The following CASD1 variants were observed in gnomAD, a reference collection of about 807,000 sequenced individuals.
CASD1 encodes N-acetylneuraminate (7)9-O-acetyltransferase.
A neutral mutation model predicts 100.0 loss-of-function variants in CASD1; 41 were observed. That is an observed-to-expected ratio of 0.41 (90% CI 0.32 to 0.53). The LOEUF is 0.53. Among genes scored for constraint, CASD1 ranks in the 20% least tolerant of loss-of-function variants. The probability of loss-of-function intolerance (pLI) is 0.25; values close to 1 mark genes in which losing one functional copy is unlikely to be tolerated. For missense variants in CASD1, 774 were observed against 948.7 expected (o/e 0.82, Z 2.42); for synonymous variants, 321 against 315.6 (o/e 1.02, Z -0.18).
intron 1 of CASD1, 22 bp from the exon 2 acceptor site, chr7:94,517,538 C>T (rs754231400): frequency 2.0e-6 from 3 of 1,471,764 alleles, no homozygotes; most frequent in South Asian, 2.4e-5. Context: ...GTTTACAACA[C>T]TGTTGTGTTT....
At chr7:94,607,960 T>C in the CASD1 span, among the ~76,000 whole-genome samples, 1 of 152,106 alleles carries the variant, frequency 6.6e-6, no homozygotes, top group Non-Finnish European at 1.5e-5. Context: ...TCAAAATACA[T>C]GAGGCAAGAG....
chr7:94,533,929 AT>A, intron 7 of CASD1, 127 bp downstream of exon 7: 1 of 839,716 alleles, frequency 1.2e-6, no homozygotes, highest in Non-Finnish European at 1.7e-6. Context: ...GATTTGCAAG[AT>A]TAGAGTACAC....
the CASD1 span, chr7:94,588,547 G>GT: frequency 2.7e-6 from 4 of 1,501,912 alleles, no homozygotes; most frequent in Non-Finnish European, 3.5e-6. Flanking sequence ...TTATTCTGAG[G>GT]TTTTAAGTCT....
chr7:94,599,686 A>G, the CASD1 span: 1 of 1,609,356 alleles, frequency 6.2e-7, no homozygotes, highest in African/African-American at 1.3e-5. Context: ...AACAGGAAAG[A>G]AGACACTTAC....
At position 94,545,568 on chromosome 7, in the gene CASD1, G is replaced by A. The variant is rs777385595; in HGVS notation, c.1500G>A (p.Leu500=). 12 of 1,602,826 alleles carry A rather than the reference G, an allele frequency of 7.5e-6. No homozygotes were observed. The East Asian group carries it at 2.0e-4, about 27-fold the overall frequency. Residue 500 remains leucine (L), a synonymous_variant, in exon 12 of 18, where the codon CTG becomes CTA. Coordinates refer to ENST00000297273, the MANE Select transcript of CASD1 (RefSeq NM_022900.5). ...VCQVLFRLNF[L]VVVLCIVMDR... ...AGGTTTTATTTCGTCTCAATTTCCT[G>A]GTAGTGGTGTTATGTATAGTAATGG...
the CASD1 span, among the ~76,000 whole-genome samples, chr7:94,570,702 C>G: frequency 6.6e-6 from 1 of 152,074 alleles, no homozygotes; most frequent in Non-Finnish European, 1.5e-5. Flanking sequence ...ACCATGTTGG[C>G]CAGGCTGATC....
intron 5 of CASD1, among the ~76,000 whole-genome samples, chr7:94,531,715 A>G (rs961430428): frequency 9.9e-5 from 15 of 152,162 alleles, no homozygotes; most frequent in African/African-American, 3.4e-4. Flanking sequence ...TATTACCTTT[A>G]TAGTGAAAAA....
At position 94,555,827 on chromosome 7, in the gene CASD1, C is replaced by G; in HGVS notation, c.*69C>G. On this transcript the variant is annotated 3_prime_UTR_variant, in exon 18 of 18. Transcript: ENST00000297273. ...GTGTGTCTCTAGAAGAGAAAAGCAT[C>G]TATCTGGAGATATAAATGTGTATGT... The G allele has an allele frequency of 1.4e-6, 2 of 1,441,154 alleles. No individual in the cohort carries two copies. The highest frequency in any genetic ancestry group is 1.9e-6 in the Non-Finnish European group (2 of 1,064,264). The allele number at this position is 1,441,154 out of a possible 1,614,324, so 89.3% of individuals were successfully genotyped here. A position where few individuals can be genotyped will look rare whatever the true frequency, so the allele number is the denominator to read the frequency against.
At chr7:94,544,071 T>C (rs1276437733) in intron 10 of CASD1, among the ~76,000 whole-genome samples, 5 of 152,194 alleles carry the variant, frequency 3.3e-5, no homozygotes, top group African/African-American at 4.8e-5. Flanking sequence ...TTTAATTGGG[T>C]ACAAGTTAAT....
chr7:94,542,879 T>C (rs984815783), intron 10 of CASD1, among the ~76,000 whole-genome samples: 1 of 152,200 alleles, frequency 6.6e-6, no homozygotes, highest in African/African-American at 2.4e-5. Context: ...ATTGAAAATT[T>C]CTGATCTAAT....
chr7:94,519,787 A>G (rs1413388851), intron 3 of CASD1, among the ~76,000 whole-genome samples: 1 of 152,224 alleles, frequency 6.6e-6, no homozygotes, highest in African/African-American at 2.4e-5. Flanking sequence ...AATTACAGGC[A>G]TGAGCCACTG....
intron 13 of CASD1, 51 bp from the exon 14 acceptor site, chr7:94,549,482 C>A: frequency 7.7e-7 from 1 of 1,298,096 alleles, no homozygotes; most frequent in South Asian, 1.3e-5. Flanking sequence ...AATTGCAAAG[C>A]AAATATTGAC....
intron 16 of CASD1, chr7:94,554,177 A>G (rs1796093228): frequency 5.6e-6 from 1 of 179,560 alleles, no homozygotes; most frequent in Non-Finnish European, 1.2e-5. Flanking sequence ...ATATGATAGC[A>G]ACTTTTTCTA....
At chr7:94,558,979 T>C (rs528592781), downstream of CASD1, among the ~76,000 whole-genome samples, 31 of 152,136 alleles carry the variant, frequency 2.0e-4, no homozygotes, top group Admixed American at 1.5e-3. Flanking sequence ...TTTGTATTTT[T>C]AGTAGAGTTG....
At chr7:94,525,758 C>T (rs1794533354) in intron 3 of CASD1, among the ~76,000 whole-genome samples, 1 of 152,084 alleles carries the variant, frequency 6.6e-6, no homozygotes, top group Non-Finnish European at 1.5e-5. Context: ...TCTCGAGACT[C>T]CTTTTGGAAA....
chr7:94,607,452 C>T, the CASD1 span, among the ~76,000 whole-genome samples: 2 of 152,106 alleles, frequency 1.3e-5, no homozygotes, highest in African/African-American at 4.8e-5. Context: ...AGGAATTATA[C>T]ACAATGATCA....
the CASD1 span, among the ~76,000 whole-genome samples, chr7:94,567,566 G>A: frequency 6.6e-6 from 1 of 152,144 alleles, no homozygotes; most frequent in Non-Finnish European, 1.5e-5. Flanking sequence ...ACACCAGAGA[G>A]TTTGTAAGCC....
chr7:94,533,786 T>C lies in CASD1; in HGVS notation c.612T>C (p.Val204=), dbSNP rs373156868. 1.6e-5 allele frequency: 25 copies of C among 1,583,732 alleles called. 1 individual carries two copies. In the African/African-American group the frequency reaches 2.5e-4, roughly 16 times the overall value. ...AAAAATTGGCAAAGACTAGTGATGT[T>C]TATTGGGTCTTACAAGGTAAGGAAT... ...LLEKLAKTSD[V]YWVLQDPVYE... The change falls in exon 7 of 18, where the codon GTT becomes GTC. Residue 204 remains valine, a synonymous_variant. Transcript: ENST00000297273.
chr7:94,604,855 AT>A, the CASD1 span, among the ~76,000 whole-genome samples: 12 of 94,096 alleles, frequency 1.3e-4, no homozygotes, highest in South Asian at 3.8e-4. Flanking sequence ...ATATATATAT[AT>A]ATAATAGTTG....
Sources: allele counts gnomAD v4.1 joint callset (sites outside exome capture counted in the v4.1 genomes callset), GRCh38; gene constraint gnomAD v4.1.1; transcripts MANE v1.5; gene names NCBI Gene and HGNC (gene_info 2026-07-23, HGNC 2026-07-21).